The following TAFA2 variants were observed in gnomAD, a reference collection of about 807,000 sequenced individuals.
TAFA2 encodes chemokine-like protein TAFA-2.
TAFA2 carries 7 observed loss-of-function variants against 18.8 expected under a neutral mutation model. That is an observed-to-expected ratio of 0.37 (90% CI 0.21 to 0.70). TAFA2 has a LOEUF of 0.70. Ranked by LOEUF, TAFA2 falls within the 30% of genes least tolerant of loss-of-function variation. TAFA2 has a pLI of 0.53. For synonymous variants in TAFA2, 60 were observed against 54.2 expected, an observed-to-expected ratio of 1.11 and a Z score of -0.47; for missense variants, 122 against 158.1, an observed-to-expected ratio of 0.77 and a Z score of 1.23.
chr12:61,988,905 T>C (rs1879906393), intron 1 of TAFA2, among the ~76,000 whole-genome samples: 1 of 152,204 alleles, frequency 6.6e-6, no homozygotes, highest in South Asian at 2.1e-4. Flanking sequence ...TTTTCATCTT[T>C]GTTTCATGGA....
At chr12:62,125,529 T>C (rs532005144) in intron 1 of TAFA2, among the ~76,000 whole-genome samples, 1 of 152,292 alleles carries the variant, frequency 6.6e-6, no homozygotes, top group Non-Finnish European at 1.5e-5. Flanking sequence ...CAGTTTAGTT[T>C]AGTTCCCAAA....
At chr12:61,714,807 T>C (rs180988904) in intron 4 of TAFA2, among the ~76,000 whole-genome samples, 38 of 152,328 alleles carry the variant, frequency 2.5e-4, no homozygotes, top group African/African-American at 7.9e-4. Flanking sequence ...AATCATTATA[T>C]TGAAGCCTAA....
chr12:61,961,761 T>G, intron 1 of TAFA2, among the ~76,000 whole-genome samples: 1 of 152,148 alleles, frequency 6.6e-6, no homozygotes, highest in Non-Finnish European at 1.5e-5. Flanking sequence ...GTTCTTGTGT[T>G]TGTTTGTTTG....
chr12:62,084,845 G>A (rs1043983633), intron 1 of TAFA2, among the ~76,000 whole-genome samples: 1 of 152,080 alleles, frequency 6.6e-6, no homozygotes, highest in Non-Finnish European at 1.5e-5. Context: ...AGCGATATCT[G>A]GTAGAATACT....
intron 2 of TAFA2, among the ~76,000 whole-genome samples, chr12:61,816,272 A>G (rs1039266260): frequency 1.3e-5 from 2 of 151,242 alleles, no homozygotes; most frequent in African/African-American, 2.5e-5. Context: ...GAAACATGCA[A>G]TATTTGGTTT....
chr12:62,127,242 T>C (rs1870500065), intron 1 of TAFA2, among the ~76,000 whole-genome samples: 1 of 152,032 alleles, frequency 6.6e-6, no homozygotes, highest in Admixed American at 6.6e-5. Context: ...GCTGAAGGAT[T>C]GGTTTAGAAA....
chr12:62,021,634 G>C (rs1173686819), intron 1 of TAFA2: 1 of 1,155,690 alleles, frequency 8.7e-7, no homozygotes, highest in East Asian at 2.3e-5. Flanking sequence ...TTCTGAGATG[G>C]GGTGGTGTGC....
intron 2 of TAFA2, among the ~76,000 whole-genome samples, chr12:61,858,049 T>TAGC: frequency 6.6e-6 from 1 of 152,304 alleles, no homozygotes; most frequent in East Asian, 1.9e-4. Context: ...GCAGCTCTTG[T>TAGC]AGCATCATGA....
At chr12:61,808,496 T>C (rs1871722098) in intron 2 of TAFA2, among the ~76,000 whole-genome samples, 2 of 151,436 alleles carry the variant, frequency 1.3e-5, no homozygotes, top group Non-Finnish European at 2.9e-5. Flanking sequence ...AAAATACCTG[T>C]AGTAACTCCA....
At chr12:62,210,272 ATTC>A (rs1317591663) in intron 1 of TAFA2, among the ~76,000 whole-genome samples, 2 of 152,132 alleles carry the variant, frequency 1.3e-5, no homozygotes, top group Non-Finnish European at 2.9e-5. Context: ...ATCAACAAGA[ATTC>A]TTATTTTCTA....
intron 1 of TAFA2, among the ~76,000 whole-genome samples, chr12:61,995,505 C>T (rs1880153669): frequency 6.6e-6 from 1 of 152,058 alleles, no homozygotes; most frequent in Non-Finnish European, 1.5e-5. Flanking sequence ...TTATTTGTTT[C>T]GTCTGTCTTC....
intron 1 of TAFA2, among the ~76,000 whole-genome samples, chr12:62,219,110 C>T (rs1047792610): frequency 2.0e-5 from 3 of 150,904 alleles, no homozygotes; most frequent in Admixed American, 1.3e-4. Flanking sequence ...TGAAAACACA[C>T]AAAACAACTT....
intron 1 of TAFA2, among the ~76,000 whole-genome samples, chr12:61,995,575 C>A (rs1033040869): frequency 6.6e-6 from 1 of 152,122 alleles, no homozygotes; most frequent in African/African-American, 2.4e-5. Context: ...CTTTCCATGG[C>A]TAACATTGTG....
At chr12:62,009,798 A>T (rs1171025900) in intron 1 of TAFA2, among the ~76,000 whole-genome samples, 1 of 152,200 alleles carries the variant, frequency 6.6e-6, no homozygotes, top group Non-Finnish European at 1.5e-5. Context: ...CTTAGATATG[A>T]ACTCCTAGTC....
chr12:61,965,180 T>C (rs1484534877), intron 1 of TAFA2, among the ~76,000 whole-genome samples: 3 of 151,810 alleles, frequency 2.0e-5, no homozygotes, highest in African/African-American at 7.2e-5. Context: ...GGTGATTAGA[T>C]CACAAGGGTA....
intron 4 of TAFA2, among the ~76,000 whole-genome samples, chr12:61,717,114 T>C (rs1869693456): frequency 1.3e-5 from 2 of 152,344 alleles, no homozygotes; most frequent in African/African-American, 4.8e-5. Flanking sequence ...ACTTTTTGTG[T>C]GCTAAATGCG....
intron 4 of TAFA2, among the ~76,000 whole-genome samples, chr12:61,750,730 T>C (rs143296617): frequency 1.3e-5 from 2 of 152,252 alleles, no homozygotes; most frequent in Non-Finnish European, 2.9e-5. Flanking sequence ...GCACTCCAGA[T>C]TGGCTATGGG....
At chr12:62,232,370 C>T (rs1476928061) in intron 1 of TAFA2, among the ~76,000 whole-genome samples, 1 of 152,218 alleles carries the variant, frequency 6.6e-6, no homozygotes, top group East Asian at 1.9e-4. Flanking sequence ...CCAAAGAAAA[C>T]ACTTTCAGCC....
chr12:61,767,101 A>T (rs1869822866), intron 2 of TAFA2, among the ~76,000 whole-genome samples: 1 of 152,154 alleles, frequency 6.6e-6, no homozygotes, highest in Non-Finnish European at 1.5e-5. Flanking sequence ...GACATCAGCT[A>T]AAAGCATGTT....
Sources: allele counts gnomAD v4.1 joint callset (sites outside exome capture counted in the v4.1 genomes callset), GRCh38; gene constraint gnomAD v4.1.1; transcripts MANE v1.5; gene names NCBI Gene and HGNC (gene_info 2026-07-23, HGNC 2026-07-21).